The following ABCG2 variants were observed in gnomAD, a reference collection of about 807,000 sequenced individuals.
The protein encoded by ABCG2 is broad substrate specificity ATP-binding cassette transporter ABCG2.
Under a neutral mutation model 73.5 loss-of-function variants are expected in ABCG2, and 80 were observed. The observed-to-expected ratio is 1.09, with a 90% CI of 0.91 to 1.31. The LOEUF is 1.31. Ranked by LOEUF, ABCG2 falls within the 50% of genes most tolerant of loss-of-function variation. The pLI is 0.00. For missense variants in ABCG2, 796 were observed against 786.2 expected (o/e 1.01, Z -0.15); for synonymous variants, 269 against 282.4 (o/e 0.95, Z 0.48).
chr4:88,209,178 C>A (rs1729490133), intron 1 of ABCG2, among the ~76,000 whole-genome samples: 2 of 150,350 alleles, frequency 1.3e-5, no homozygotes, highest in African/African-American at 4.9e-5. Flanking sequence ...AGTGTGGTCG[C>A]ACACACCTAC....
intron 4 of ABCG2, 47 bp downstream of exon 4, chr4:88,131,756 C>G (rs1724891672): frequency 7.3e-7 from 1 of 1,374,182 alleles, no homozygotes; most frequent in Admixed American, 1.8e-5. Context: ...AGCACTTACC[C>G]ATATAGAAAC....
At chr4:88,155,791 T>C (rs1726895945) in intron 1 of ABCG2, among the ~76,000 whole-genome samples, 1 of 151,694 alleles carries the variant, frequency 6.6e-6, no homozygotes, top group Admixed American at 6.6e-5. Context: ...CTGTAATCCC[T>C]GCTACTCAGG....
intron 5 of ABCG2, among the ~76,000 whole-genome samples, chr4:88,126,175 C>T (rs972633620): frequency 1.3e-5 from 2 of 152,096 alleles, no homozygotes; most frequent in African/African-American, 4.8e-5. Context: ...ACTAGAAAAT[C>T]TAGAAGAAAT....
At chr4:88,132,919 A>T (rs1725003645) in intron 2 of ABCG2, among the ~76,000 whole-genome samples, 1 of 152,172 alleles carries the variant, frequency 6.6e-6, no homozygotes, top group Non-Finnish European at 1.5e-5. Flanking sequence ...AAGAAAAAAA[A>T]AAAAGATTGT....
At chr4:88,104,664 G>A (rs2725265) in intron 10 of ABCG2, among the ~76,000 whole-genome samples, 107,654 of 150,064 alleles carry the variant, frequency 0.72, 44,867 homozygotes, top group Non-Finnish European at 0.93. Context: ...AGCTTTGGGG[G>A]AAAAAAAAAA....
intron 5 of ABCG2, among the ~76,000 whole-genome samples, chr4:88,122,189 G>C (rs1325087692): frequency 6.6e-6 from 1 of 152,134 alleles, no homozygotes; most frequent in South Asian, 2.1e-4. Context: ...GATTCCCGCA[G>C]GTGCCTACAT....
In ABCG2 at chr4:88,131,936, G is replaced by A. The variant is rs765808675; in HGVS notation, c.264-19C>T. 2 of 1,580,348 alleles carry A rather than the reference G, an allele frequency of 1.3e-6. No homozygotes were observed. Among genetic ancestry groups the A allele is most frequent in the South Asian group, 2.2e-5 (2 of 90,094 alleles). On this transcript the variant is annotated intron_variant, in intron 3 of 15. Coordinates refer to ENST00000237612, the MANE Select transcript of ABCG2 (RefSeq NM_004827.3). ...TAATAACCTATAAGAGGACATATAT[G>A]TTGTGGGTCTAATAACCTATAAGAG... is the stretch of plus-strand genomic sequence containing the variant.
intron 1 of ABCG2, among the ~76,000 whole-genome samples, chr4:88,221,362 G>A (rs895110153): frequency 5.9e-5 from 9 of 152,128 alleles, no homozygotes; most frequent in South Asian, 4.1e-4. Flanking sequence ...AATTGGTACC[G>A]CAGAGAGTGG....
At chr4:88,103,836 C>T (rs545561278) in intron 10 of ABCG2, among the ~76,000 whole-genome samples, 3 of 152,306 alleles carry the variant, frequency 2.0e-5, no homozygotes, top group African/African-American at 4.8e-5. Flanking sequence ...TAGCTTTCTG[C>T]GTTTGGCTTA....
At chr4:88,094,336 A>C (rs1228283541) in intron 15 of ABCG2, among the ~76,000 whole-genome samples, 1 of 152,008 alleles carries the variant, frequency 6.6e-6, no homozygotes, top group African/African-American at 2.4e-5. Context: ...CCAAAACAAT[A>C]AGAAACAAAC....
In ABCG2 at chr4:88,229,468, G is replaced by A. The variant is rs565867595; in HGVS notation, c.-20+1526C>T. ...AGCCTGGGCAACATAATGAGATCCC[G>A]TTTCTATAAAAAAATAGAACAAAAT... On this transcript the variant is annotated intron_variant, in intron 1 of 15. Transcript: ENST00000515655. Among the ~76,000 whole-genome samples the A allele has an allele frequency of 3.1e-3, 474 of 152,226 alleles. 5 individuals carry two copies. Among genetic ancestry groups the A allele is most frequent in the African/African-American group, 0.011 (451 of 41,540 alleles).
chr4:88,131,330 G>T, intron 4 of ABCG2, 117 bp from the exon 5 acceptor site: 2 of 1,094,014 alleles, frequency 1.8e-6, no homozygotes, highest in African/African-American at 1.6e-5. Flanking sequence ...TAAAGTTCTA[G>T]CTAATGATGA....
chr4:88,229,036 A>C (rs4693939), intron 1 of ABCG2, among the ~76,000 whole-genome samples: 5 of 152,220 alleles, frequency 3.3e-5, no homozygotes, highest in African/African-American at 1.2e-4. Flanking sequence ...CTGGCCACCC[A>C]AGCAAGCAGT....
At chr4:88,218,371 C>T (rs961790723) in intron 1 of ABCG2, among the ~76,000 whole-genome samples, 3 of 152,198 alleles carry the variant, frequency 2.0e-5, no homozygotes, top group Admixed American at 1.3e-4. Flanking sequence ...CTATTTCATT[C>T]ACTGTTCTAT....
intron 9 of ABCG2, among the ~76,000 whole-genome samples, chr4:88,108,408 T>G (rs921601086): frequency 6.6e-6 from 1 of 151,860 alleles, no homozygotes; most frequent in Non-Finnish European, 1.5e-5. Context: ...GGTGTACGCC[T>G]GTAGTCCCAG....
chr4:88,131,414 A>C (rs1724866740), intron 4 of ABCG2, among the ~76,000 whole-genome samples: 1 of 152,140 alleles, frequency 6.6e-6, no homozygotes, highest in African/African-American at 2.4e-5. Flanking sequence ...TTCACCCCCT[A>C]TCTGTACACC....
At chr4:88,163,644 C>A, upstream of ABCG2, 1 of 223,928 alleles carries the variant, frequency 4.5e-6, no homozygotes, top group South Asian at 6.1e-5. Flanking sequence ...AGGTAGTGAC[C>A]CAAGAATAAG....
At chr4:88,213,093 G>A (rs1043275295) in intron 1 of ABCG2, among the ~76,000 whole-genome samples, 8 of 151,988 alleles carry the variant, frequency 5.3e-5, no homozygotes, top group Admixed American at 2.6e-4. Flanking sequence ...TTGTAGGGAC[G>A]GGGTCTCACT....
rs192343384 is a variant in ABCG2, at chr4:88,215,811, T to C, written c.-20+15183A>G. On this transcript the variant is annotated intron_variant, in intron 1 of 15. Coordinates refer to the ABCG2 transcript ENST00000515655. ...GCTTCCTAAGATGCTGCTTGACATC[T>C]AGGCAGAAAAAAATCTAGGTCCGTT... 7.9e-5 allele frequency among the ~76,000 whole-genome samples: 12 copies of C among 152,332 alleles called. No homozygotes were observed. In the East Asian group the frequency reaches 2.3e-3, roughly 29 times the overall value.
Sources: gnomAD v4.1 joint callset for allele counts (sites outside exome capture counted in the v4.1 genomes callset) on GRCh38, gnomAD v4.1.1 for gene constraint, MANE v1.5 for transcripts, NCBI Gene and HGNC (gene_info 2026-07-23, HGNC 2026-07-21) for gene names.